Variants in GPBP1L1 observed in about 807,000 individuals in gnomAD.
GPBP1L1 encodes the protein GC-rich promoter binding protein 1 like 1, also known as vasculin-like protein 1.
In GPBP1L1, 23 loss-of-function variants were observed where a neutral mutation model predicts 52.5. That is an observed-to-expected ratio of 0.44 (90% CI 0.32 to 0.62). The LOEUF (loss-of-function observed/expected upper bound fraction) is 0.62. GPBP1L1 is among the 20% of genes least tolerant of loss of function. The pLI is 0.06. For synonymous variants in GPBP1L1, 243 were observed against 203.1 expected (o/e 1.20, Z -1.67); for missense variants, 596 against 579.3 (o/e 1.03, Z -0.30).
chr1:45,646,690 T>TAGGA (rs1426502952), intron 6 of GPBP1L1, among the ~76,000 whole-genome samples: 1 of 151,918 alleles, frequency 6.6e-6, no homozygotes, highest in East Asian at 1.9e-4. Context: ...CCCGAGTAGC[T>TAGGA]AGGACTACAG....
intron 8 of GPBP1L1, among the ~76,000 whole-genome samples, chr1:45,638,761 G>A (rs1038814907): frequency 1.1e-4 from 17 of 152,128 alleles, no homozygotes; most frequent in African/African-American, 4.1e-4. Flanking sequence ...GCAATATAGT[G>A]AGACCCCAAT....
intron 10 of GPBP1L1, 139 bp downstream of exon 10, chr1:45,633,350 T>C: frequency 1.2e-6 from 1 of 812,904 alleles, no homozygotes; most frequent in Non-Finnish European, 2.0e-6. Flanking sequence ...CTATGTGGTC[T>C]AGAAGGCAGT....
At chr1:45,642,898 A>G (rs1644692109) in intron 6 of GPBP1L1, among the ~76,000 whole-genome samples, 1 of 152,220 alleles carries the variant, frequency 6.6e-6, no homozygotes, top group Non-Finnish European at 1.5e-5. Flanking sequence ...TATAGTATTC[A>G]CTGCATTTCT....
chr1:45,683,448 G>A (rs1465340174), intron 2 of GPBP1L1, among the ~76,000 whole-genome samples: 8 of 150,688 alleles, frequency 5.3e-5, no homozygotes, highest in East Asian at 3.9e-4. Flanking sequence ...CTCGTGATCC[G>A]CCCGCCTCGG....
At chr1:45,646,141 C>A in intron 6 of GPBP1L1, 1 of 389,216 alleles carries the variant, frequency 2.6e-6, no homozygotes, top group Admixed American at 3.3e-5. Flanking sequence ...GTTTCCCTCT[C>A]TTTTCGGCAT....
At chr1:45,638,835 G>A (rs1356859268) in intron 8 of GPBP1L1, among the ~76,000 whole-genome samples, 3 of 152,096 alleles carry the variant, frequency 2.0e-5, no homozygotes, top group African/African-American at 4.8e-5. Flanking sequence ...GATGGCATGC[G>A]CCAGAAGAAT....
intron 2 of GPBP1L1, among the ~76,000 whole-genome samples, chr1:45,665,614 G>A (rs1380789640): frequency 1.3e-5 from 2 of 151,540 alleles, no homozygotes; most frequent in Non-Finnish European, 2.9e-5. Context: ...GGTGGTGCAT[G>A]CCTGTAATCC....
intron 2 of GPBP1L1, among the ~76,000 whole-genome samples, chr1:45,677,267 C>T (rs1356708950): frequency 6.9e-6 from 1 of 144,624 alleles, no homozygotes; most frequent in Non-Finnish European, 1.5e-5. Context: ...ACCTAGGAGG[C>T]GGAGGTTGCA....
At chr1:45,639,883 A>G (rs1644648304) in intron 8 of GPBP1L1, among the ~76,000 whole-genome samples, 1 of 151,910 alleles carries the variant, frequency 6.6e-6, no homozygotes, top group Non-Finnish European at 1.5e-5. Flanking sequence ...ATCTCAAAAA[A>G]ACAAAACAAA....
chr1:45,646,436 T>C (rs530464404), intron 6 of GPBP1L1, among the ~76,000 whole-genome samples: 16 of 152,372 alleles, frequency 1.1e-4, no homozygotes, highest in African/African-American at 3.8e-4. Context: ...AGGATATCTT[T>C]CTTTTTTTGT....
upstream of GPBP1L1, chr1:45,687,164 T>G (rs1362656522): frequency 6.6e-6 from 1 of 151,854 alleles, no homozygotes; most frequent in African/African-American, 2.4e-5. Flanking sequence ...CCGCTGGGAG[T>G]AGTAGTTCCC....
Position 45,645,857 on chromosome 1 carries a change from G to A in GPBP1L1, c.478-3358C>T, listed in dbSNP as rs60360728. ...AGGATTTTCCCTCCTGTGTGTTTTCGTCTTGCTTCTTCATGGTCCATGATA... is the reference window on the plus strand; with the variant it reads ...AGGATTTTCCCTCCTGTGTGTTTTCATCTTGCTTCTTCATGGTCCATGATA... On this transcript the variant is annotated intron_variant, in intron 6 of 12. Coordinates refer to ENST00000355105, the MANE Select transcript of GPBP1L1 (RefSeq NM_021639.5). 917 of 501,048 alleles carry A rather than the reference G, an allele frequency of 1.8e-3. 8 individuals are homozygous for A. Among genetic ancestry groups the A allele is most frequent in the African/African-American group, 0.017 (848 of 49,888 alleles). The allele number at this position is 501,048 out of a possible 1,614,324, so 31.0% of individuals were successfully genotyped here.
rs1006333754 is a variant in GPBP1L1, at chr1:45,660,675, T to C, written c.-547A>G. The C allele has an allele frequency of 2.3e-6, 1 of 435,474 alleles. No homozygotes were observed. Among genetic ancestry groups the C allele is most frequent in the African/African-American group, 2.1e-5 (1 of 46,730 alleles). 27.0% of individuals were successfully genotyped at this position (435,474 alleles called of 1,614,324 possible). A position where few individuals can be genotyped will look rare whatever the true frequency, so the allele number is the denominator to read the frequency against. ...AAAAATATTAAAGCCCTATAAAAGA[T>C]CTGAGCAGTCAACTCCAAAACATCC... On this transcript the variant is annotated 5_prime_UTR_variant, in exon 3 of 13. Coordinates refer to ENST00000355105, the MANE Select transcript of GPBP1L1 (RefSeq NM_021639.5).
intron 11 of GPBP1L1, 76 bp from the exon 12 acceptor site, chr1:45,629,754 GAA>G (rs1226781505): frequency 4.3e-5 from 44 of 1,019,716 alleles, no homozygotes; most frequent in Non-Finnish European, 6.0e-5. Context: ...ACTTTTCACA[GAA>G]AAGTTTTCTG....
chr1:45,656,638 A>T (rs185074649), intron 4 of GPBP1L1, among the ~76,000 whole-genome samples: 95 of 151,928 alleles, frequency 6.3e-4, no homozygotes, highest in South Asian at 2.7e-3. Flanking sequence ...TTTGTACTTT[A>T]GTCAAAAATC....
At chr1:45,628,524 G>T in intron 12 of GPBP1L1, 116 bp from the exon 13 acceptor site, 1 of 916,100 alleles carries the variant, frequency 1.1e-6, no homozygotes, top group Non-Finnish European at 1.6e-6. Context: ...GTGGGGCGGG[G>T]GGTGCTTCTA....
chr1:45,666,272 A>C (rs1268809582), intron 2 of GPBP1L1, among the ~76,000 whole-genome samples: 1 of 151,522 alleles, frequency 6.6e-6, no homozygotes, highest in Non-Finnish European at 1.5e-5. Context: ...CAGCCTCCCA[A>C]GTAGCTGGGA....
intron 2 of GPBP1L1, among the ~76,000 whole-genome samples, chr1:45,684,981 G>C (rs146792598): frequency 1.3e-5 from 2 of 151,668 alleles, no homozygotes; most frequent in Non-Finnish European, 2.9e-5. Flanking sequence ...ATAGATACAG[G>C]CTTCAGCACC....
intron 6 of GPBP1L1, chr1:45,650,893 T>A: frequency 3.5e-6 from 1 of 288,494 alleles, no homozygotes; most frequent in South Asian, 3.3e-5. Flanking sequence ...AGAATTTGTT[T>A]TCTCCAACCA....
Sources: allele counts gnomAD v4.1 joint callset (sites outside exome capture counted in the v4.1 genomes callset), GRCh38; gene constraint gnomAD v4.1.1; transcripts MANE v1.5; gene names NCBI Gene and HGNC (gene_info 2026-07-23, HGNC 2026-07-21).